Variants in RMDN1 observed in about 807,000 individuals in gnomAD.
RMDN1 encodes regulator of microtubule dynamics protein 1.
A neutral mutation model predicts 48.9 loss-of-function variants in RMDN1; 48 were observed. The observed-to-expected ratio is 0.98, with a 90% CI of 0.78 to 1.25. RMDN1 has a LOEUF of 1.25. Among genes scored for constraint, RMDN1 ranks in the 50% most tolerant of loss-of-function variants. The pLI, the probability that RMDN1 is intolerant of heterozygous loss-of-function variation, is 0.00. For synonymous variants in RMDN1, 148 were observed against 132.6 expected, an observed-to-expected ratio of 1.12 and a Z score of -0.80; for missense variants, 418 against 373.4, an observed-to-expected ratio of 1.12 and a Z score of -0.98.
At chr8:86,470,379 C>G (rs189685577), downstream of RMDN1, 16 of 1,287,910 alleles carry the variant, frequency 1.2e-5, no homozygotes, top group Admixed American at 3.0e-4. Flanking sequence ...GGAAACGTCA[C>G]GGACCAATGT....
At chr8:86,494,596 TC>T (rs891608466) in intron 2 of RMDN1, among the ~76,000 whole-genome samples, 1 of 151,952 alleles carries the variant, frequency 6.6e-6, no homozygotes, top group Non-Finnish European at 1.5e-5. Context: ...AAACCAGTGA[TC>T]ATTTGACTCC....
At chr8:86,509,696 C>T (rs1819940435), upstream of RMDN1, among the ~76,000 whole-genome samples, 1 of 152,136 alleles carries the variant, frequency 6.6e-6, no homozygotes, top group African/African-American at 2.4e-5. Flanking sequence ...ATGTATTAAC[C>T]TAACCAAGGA....
At chr8:86,474,692 T>A (rs1563578111) in intron 9 of RMDN1, 128 bp downstream of exon 9, 1 of 927,206 alleles carries the variant, frequency 1.1e-6, no homozygotes, top group African/African-American at 1.6e-5. Context: ...CAATTTACAC[T>A]TGAAATGAAC....
chr8:86,487,558 A>G (rs183723384), intron 3 of RMDN1, among the ~76,000 whole-genome samples: 388 of 152,308 alleles, frequency 2.5e-3, no homozygotes, highest in African/African-American at 9.0e-3. Flanking sequence ...ATTGCACTCC[A>G]GCTTGGACAA....
intron 2 of RMDN1, among the ~76,000 whole-genome samples, chr8:86,498,911 C>T (rs958978335): frequency 6.6e-6 from 1 of 152,174 alleles, no homozygotes; most frequent in Non-Finnish European, 1.5e-5. Flanking sequence ...GTTGGTTCAA[C>T]ATGCAGATCA....
chr8:86,486,588 G>A lies in RMDN1; in HGVS notation c.391C>T (p.Leu131Phe). 6.2e-7 allele frequency: 1 copy of A among 1,612,702 alleles called. No homozygotes were observed. Among genetic ancestry groups the A allele is most frequent in the Non-Finnish European group, 8.5e-7 (1 of 1,179,088 alleles). The part of the protein sequence containing the change: ...LARASRDVAQ[L>F]SRTSEEEKKL... ...TTCTCCTCTTCTGAGGTTCTGCTAA[G>A]CTGAGCTACATCACGTGATGCCCGT... Residue 131 changes from leucine (L) to phenylalanine (F), a missense_variant, in exon 4 of 10, where the codon CTT (leucine) becomes TTT (phenylalanine). By Grantham distance (22) the Leu-to-Phe change is conservative. Coordinates refer to ENST00000406452, the MANE Select transcript of RMDN1 (RefSeq NM_016033.3).
intron 1 of RMDN1, 81 bp downstream of exon 1, chr8:86,508,411 G>A: frequency 7.0e-7 from 1 of 1,421,858 alleles, no homozygotes. Context: ...GGCAGCGCGG[G>A]GCCGCCACCA....
chr8:86,488,563 T>C lies in RMDN1; in HGVS notation c.324A>G (p.Gln108=). The change falls in exon 3 of 10, where the codon CAA becomes CAG. Residue 108 remains glutamine (Q), a synonymous_variant. Coordinates refer to ENST00000406452, the MANE Select transcript of RMDN1 (RefSeq NM_016033.3). ...CCTACATTGCTTACCTTTCCTTGTATTGGGTTAGCAACTGATAAAGTTTTT... is the reference window on the plus strand; with the variant it reads ...CCTACATTGCTTACCTTTCCTTGTACTGGGTTAGCAACTGATAAAGTTTTT... The part of the protein sequence containing the change: ...ETEKLYQLLT[Q]YKESEDAELL... 3.1e-6 allele frequency: 5 copies of C among 1,606,502 alleles called. No individual in the cohort carries two copies. Among genetic ancestry groups the C allele is most frequent in the Non-Finnish European group, 4.3e-6 (5 of 1,175,798 alleles).
chr8:86,503,287 G>A (rs533629232), intron 2 of RMDN1, among the ~76,000 whole-genome samples: 36 of 151,460 alleles, frequency 2.4e-4, no homozygotes, highest in African/African-American at 8.5e-4. Flanking sequence ...GGAAGGCAGA[G>A]GTTGCAGGGA....
chr8:86,482,330 A>T (rs1814636438), intron 5 of RMDN1: 1 of 318,148 alleles, frequency 3.1e-6, no homozygotes, highest in Non-Finnish European at 5.9e-6. Context: ...TGAACCCTGG[A>T]AGCAGAGGCT....
At chr8:86,506,053 G>A (rs1187828242) in intron 2 of RMDN1, among the ~76,000 whole-genome samples, 2 of 152,148 alleles carry the variant, frequency 1.3e-5, no homozygotes, top group Non-Finnish European at 2.9e-5. Flanking sequence ...GGAAGGGAAA[G>A]TTATTTCTAG....
At chr8:86,474,536 T>G in intron 9 of RMDN1, 178 bp from the exon 10 acceptor site, 2 of 690,288 alleles carry the variant, frequency 2.9e-6, no homozygotes, top group Non-Finnish European at 5.2e-6. Flanking sequence ...TTAGTACACA[T>G]CCCATGACTT....
At chr8:86,502,148 A>G (rs1818344063) in intron 2 of RMDN1, among the ~76,000 whole-genome samples, 1 of 152,240 alleles carries the variant, frequency 6.6e-6, no homozygotes, top group Admixed American at 6.5e-5. Flanking sequence ...AAAAAACAAA[A>G]AAGCTTCACT....
chr8:86,498,054 C>T (rs1186076736), intron 2 of RMDN1, among the ~76,000 whole-genome samples: 4 of 152,168 alleles, frequency 2.6e-5, no homozygotes, highest in Non-Finnish European at 5.9e-5. Flanking sequence ...CGAGATCGTG[C>T]CATTGCACTC....
At chr8:86,471,823 A>G (rs1812600793), downstream of RMDN1, among the ~76,000 whole-genome samples, 1 of 152,242 alleles carries the variant, frequency 6.6e-6, no homozygotes, top group Non-Finnish European at 1.5e-5. Context: ...CAATTAGACC[A>G]ATCTGGAATG....
At chr8:86,506,966 A>T (rs370589866) in intron 2 of RMDN1, 29 bp downstream of exon 2, 2 of 1,210,274 alleles carry the variant, frequency 1.7e-6, no homozygotes, top group South Asian at 2.5e-5. Context: ...AAAAACTCTA[A>T]ATGTTCCATA....
chr8:86,506,525 T>C (rs1029755847), intron 2 of RMDN1, among the ~76,000 whole-genome samples: 3 of 152,208 alleles, frequency 2.0e-5, no homozygotes, highest in African/African-American at 7.2e-5. Context: ...GATGAATATG[T>C]GTGCACTGTC....
At chr8:86,509,251 A>T (rs1425934392), upstream of RMDN1, among the ~76,000 whole-genome samples, 2 of 152,178 alleles carry the variant, frequency 1.3e-5, no homozygotes, top group Non-Finnish European at 2.9e-5. Context: ...TGGAAAGGAT[A>T]CTGATGCCCT....
rs1393514889 is a variant in RMDN1 at position 86,472,356 on chromosome 8, G to A, written c.*1952C>T. On this transcript the variant is annotated 3_prime_UTR_variant, in exon 10 of 10. Coordinates refer to ENST00000406452, the MANE Select transcript of RMDN1 (RefSeq NM_016033.3). ...AACAGGTCACAGTCAAAATGCAGGT[G>A]CACAACACAGTTTATTCGGTCTCCC... is the stretch of plus-strand genomic sequence containing the variant. The A allele has an allele frequency of 4.3e-6, 3 of 692,586 alleles. No homozygotes were observed. Among genetic ancestry groups the A allele is most frequent in the Non-Finnish European group, 7.9e-6 (3 of 381,060 alleles). 42.9% of individuals were successfully genotyped at this position (692,586 alleles called of 1,614,324 possible). A position where few individuals can be genotyped will look rare whatever the true frequency, so the allele number is the denominator to read the frequency against.
Sources: gnomAD v4.1 joint callset for allele counts (sites outside exome capture counted in the v4.1 genomes callset) on GRCh38, gnomAD v4.1.1 for gene constraint, MANE v1.5 for transcripts, NCBI Gene and HGNC (gene_info 2026-07-23, HGNC 2026-07-21) for gene names.